SPTAN1: variants seen among roughly 807,000 people sequenced by gnomAD.
The protein encoded by SPTAN1 is spectrin alpha chain, non-erythrocytic 1.
Under a neutral mutation model 331.3 loss-of-function variants are expected in SPTAN1, and 61 were observed. That is an observed-to-expected ratio of 0.18 (90% CI 0.15 to 0.23). The LOEUF is 0.23. SPTAN1 is among the 10% of genes least tolerant of loss of function. The pLI, the probability that SPTAN1 is intolerant of heterozygous loss-of-function variation, is 1.00. For synonymous variants in SPTAN1, 1,153 were observed against 1,173.9 expected (o/e 0.98, Z 0.36); for missense variants, 2,043 against 3,147.9 (o/e 0.65, Z 8.40).
intron 11 of SPTAN1, 75 bp downstream of exon 11, chr9:128,581,134 G>A (rs767387665): frequency 6.2e-7 from 1 of 1,600,412 alleles, no homozygotes; most frequent in Non-Finnish European, 8.5e-7. Flanking sequence ...TAGTGTGCTT[G>A]TTTTGTTTTA....
In SPTAN1 at chr9:128,609,140, C is replaced by T. The variant is rs769733032; in HGVS notation, c.4614C>T (p.Ala1538=). The change falls in exon 36 of 57, where the codon GCC becomes GCT. Residue 1538 remains alanine, a synonymous_variant. Coordinates refer to ENST00000372739, the MANE Select transcript of SPTAN1 (RefSeq NM_001130438.3). ...CTTTCAGGTGGCGACGTCTGAAAGC[C>T]CAGATGATTGAGAAAAGGTCAAAGC... ...EVLDRWRRLK[A]QMIEKRSKLG... The T allele has an allele frequency of 5.6e-6, 9 of 1,614,022 alleles. No individual in the cohort carries two copies. In the South Asian group the frequency reaches 9.9e-5, roughly 18 times the overall value.
Position 128,625,316 on chromosome 9 carries a change from A to G in SPTAN1, c.6069+137A>G, listed in dbSNP as rs1858567512. The G allele has an allele frequency of 2.2e-6, 2 of 906,816 alleles. No individual in the cohort carries two copies. Among genetic ancestry groups the G allele is most frequent in the Admixed American group, 4.0e-5 (2 of 49,850 alleles). 56.2% of individuals were successfully genotyped at this position (906,816 alleles called of 1,614,324 possible). On this transcript the variant is annotated intron_variant, in intron 47 of 56. Transcript: ENST00000372739. This position sits in a 1 kb window ranked among gnomAD's most constrained non-coding sequence, Gnocchi z 4.1. ...GGAAAAAGATCCTGTCCTGGTCCTC[A>G]GGGAGCTTCCAGACTAACTGGGGAA...
rs557103045 is a variant in SPTAN1 at position 128,629,366 on chromosome 9, C to T, written c.6708-955C>T. Among the ~76,000 whole-genome samples, 4 of 151,906 alleles carry T rather than the reference C, an allele frequency of 2.6e-5. No individual in the cohort carries two copies. The highest frequency in any genetic ancestry group is 3.9e-4 in the East Asian group (2 of 5,118). ...CCCAGGTCCTGGGGGGCATTTTCCC[C>T]GGGGGGACATGGCGTGACTGTGAGT... On this transcript the variant is annotated intron_variant, in intron 51 of 56. Coordinates refer to ENST00000372739, the MANE Select transcript of SPTAN1 (RefSeq NM_001130438.3). This position sits in a 1 kb window ranked among gnomAD's most constrained non-coding sequence, Gnocchi z 4.9.
intron 36 of SPTAN1, 38 bp downstream of exon 36, chr9:128,609,322 CTTATG>C: frequency 1.9e-6 from 3 of 1,613,870 alleles, no homozygotes; most frequent in Non-Finnish European, 2.5e-6. Flanking sequence ...TTGATGTAGC[CTTATG>C]TTATTGAGTA....
chr9:128,562,992 GTATATATATATATATATATATATATA>G (rs1168781290), intron 1 of SPTAN1, among the ~76,000 whole-genome samples: 1 of 3,114 alleles, frequency 3.2e-4, no homozygotes, highest in African/African-American at 3.9e-4. Context: ...ACATGTATGT[GTATATATATATATATATATATATATA>G]TATATATATG....
At chr9:128,597,599 TA>T (rs1248041170) in intron 24 of SPTAN1, among the ~76,000 whole-genome samples, 1 of 152,232 alleles carries the variant, frequency 6.6e-6, no homozygotes, top group African/African-American at 2.4e-5. Flanking sequence ...AACCAATCCA[TA>T]GGGATACCTG....
chr9:128,633,657 C>T lies in SPTAN1; in HGVS notation c.*323C>T. 1.4e-6 allele frequency: 2 copies of T among 1,452,732 alleles called. No individual in the cohort carries two copies. Among genetic ancestry groups the T allele is most frequent in the Non-Finnish European group, 1.9e-6 (2 of 1,066,664 alleles). 90.0% of individuals were successfully genotyped at this position (1,452,732 alleles called of 1,614,324 possible). On this transcript the variant is annotated 3_prime_UTR_variant, in exon 57 of 57. Coordinates refer to ENST00000372739, the MANE Select transcript of SPTAN1 (RefSeq NM_001130438.3). ...AAAAGACAAATAAATGATGACTTCC[C>T]CCAAAGCTTTGCTTTTCTTCATTTG...
At chr9:128,604,981 A>G (rs1855638306) in intron 29 of SPTAN1, 53 bp from the exon 30 acceptor site, 2 of 1,605,750 alleles carry the variant, frequency 1.2e-6, no homozygotes, top group East Asian at 2.2e-5. Flanking sequence ...AGTGTCCTGT[A>G]ATCAAGGCAG....
At chr9:128,586,003 G>T (rs1404712558) in intron 19 of SPTAN1, 38 bp downstream of exon 19, 1 of 1,587,156 alleles carries the variant, frequency 6.3e-7, no homozygotes, top group African/African-American at 1.3e-5. Context: ...TGCCAGGGAA[G>T]TGGAACAGGG....
intron 56 of SPTAN1, 112 bp downstream of exon 56, chr9:128,633,067 A>ACAAAT: frequency 6.3e-7 from 1 of 1,592,424 alleles, no homozygotes; most frequent in South Asian, 1.1e-5. Context: ...CTCCCCATTT[A>ACAAAT]CAAATCAAAC....
chr9:128,577,692 A>G lies in SPTAN1; in HGVS notation c.1085+186A>G, dbSNP rs1022816676. 6.6e-6 allele frequency among the ~76,000 whole-genome samples: 1 copy of G among 152,226 alleles called. No homozygotes were observed. Among genetic ancestry groups the G allele is most frequent in the Non-Finnish European group, 1.5e-5 (1 of 68,038 alleles). ...CAACTGTATCATGTGTAGTATACGTATGGTATTTACAACTTCATAAATTCT... is the reference window on the plus strand; with the variant it reads ...CAACTGTATCATGTGTAGTATACGTGTGGTATTTACAACTTCATAAATTCT... On this transcript the variant is annotated intron_variant, in intron 8 of 56. Transcript: ENST00000372739. The surrounding 1 kb of genome is among the most constrained non-coding windows in gnomAD (Gnocchi z 4.2).
intron 27 of SPTAN1, among the ~76,000 whole-genome samples, chr9:128,601,845 C>G (rs1362288841): frequency 6.6e-6 from 1 of 152,170 alleles, no homozygotes; most frequent in African/African-American, 2.4e-5. Flanking sequence ...CCCACTGGCT[C>G]TGACTATTCT....
rs1276529401 is a variant in SPTAN1, at chr9:128,577,581, G to A, written c.1085+75G>A. The A allele has an allele frequency of 1.3e-6, 2 of 1,589,688 alleles. No individual in the cohort carries two copies. Among genetic ancestry groups the A allele is most frequent in the Non-Finnish European group, 1.7e-6 (2 of 1,162,964 alleles). On this transcript the variant is annotated intron_variant, in intron 8 of 56. Transcript: ENST00000372739. This position sits in a 1 kb window ranked among gnomAD's most constrained non-coding sequence, Gnocchi z 4.2. ...GGAAGCAGGAATAGCAGAGTTAAGG[G>A]TCTGTTCTGTGTTCTGTGAAAGTGT...
chr9:128,578,507 A>G (rs961698860), intron 9 of SPTAN1, among the ~76,000 whole-genome samples: 3 of 152,184 alleles, frequency 2.0e-5, no homozygotes, highest in East Asian at 3.9e-4. Flanking sequence ...AAGTGCTACT[A>G]CTTGGCACAT....
rs1331046598 is a variant in SPTAN1 at position 128,577,328 on chromosome 9, A to T, written c.931-24A>T. 1 of 1,614,106 alleles carries T rather than the reference A, an allele frequency of 6.2e-7. No homozygotes were observed. Among genetic ancestry groups the T allele is most frequent in the Non-Finnish European group, 8.5e-7 (1 of 1,180,038 alleles). On this transcript the variant is annotated intron_variant, in intron 7 of 56. Coordinates refer to ENST00000372739, the MANE Select transcript of SPTAN1 (RefSeq NM_001130438.3). The surrounding 1 kb of genome is among the most constrained non-coding windows in gnomAD (Gnocchi z 4.2). ...ATAAGTTACCAAGGGTCAGGAGAAT[A>T]GTTCTGACGGAGTTCATTTCTAGGT...
In SPTAN1 at chr9:128,625,712, A is replaced by G; in HGVS notation, c.6070-57A>G. 1 of 1,554,034 alleles carries G rather than the reference A, an allele frequency of 6.4e-7. No homozygotes were observed. The highest frequency in any genetic ancestry group is 8.9e-7 in the Non-Finnish European group (1 of 1,129,848). On this transcript the variant is annotated intron_variant, in intron 47 of 56. Coordinates refer to ENST00000372739, the MANE Select transcript of SPTAN1 (RefSeq NM_001130438.3). The surrounding 1 kb of genome is among the most constrained non-coding windows in gnomAD (Gnocchi z 4.1). ...ATGCTGGTGCCATCTGAGCCTAGGA[A>G]GAGCAAGTTCCAGTCCTGTGGAGTC...
chr9:128,591,441 G>T (rs1445503144), intron 21 of SPTAN1, 36 bp from the exon 22 acceptor site: 4 of 1,613,732 alleles, frequency 2.5e-6, no homozygotes, highest in Non-Finnish European at 3.4e-6. Flanking sequence ...TCTCAGAGAA[G>T]GAATTTACTT....
At chr9:128,626,113 C>A in intron 48 of SPTAN1, 135 bp downstream of exon 48, 4 of 1,155,604 alleles carry the variant, frequency 3.5e-6, no homozygotes, top group Non-Finnish European at 3.7e-6. Context: ...ATGGGTGTGG[C>A]TGGCATCAAT....
Position 128,624,848 on chromosome 9 carries a change from A to G in SPTAN1, c.5993-255A>G. 4 of 577,032 alleles carry G rather than the reference A, an allele frequency of 6.9e-6. No individual in the cohort carries two copies. In the East Asian group the frequency reaches 9.1e-5, roughly 13 times the overall value. The allele number at this position is 577,032 out of a possible 1,614,324, so 35.7% of individuals were successfully genotyped here. On this transcript the variant is annotated intron_variant, in intron 46 of 56. Coordinates refer to ENST00000372739, the MANE Select transcript of SPTAN1 (RefSeq NM_001130438.3). Reference sequence around the variant, plus strand: ...GGGTGAGGGAAAACTGGGTCCGGATATCGGGGTCCACGTGTCCTGGGTAGT... The same window carrying G: ...GGGTGAGGGAAAACTGGGTCCGGATGTCGGGGTCCACGTGTCCTGGGTAGT...
Sources: allele counts gnomAD v4.1 joint callset (sites outside exome capture counted in the v4.1 genomes callset), GRCh38; gene constraint gnomAD v4.1.1; non-coding constraint Gnocchi (gnomAD v3.1); transcripts MANE v1.5; gene names NCBI Gene and HGNC (gene_info 2026-07-23, HGNC 2026-07-21).